The following ABTB3 variants were observed in gnomAD, a reference collection of about 807,000 sequenced individuals.
ABTB3 encodes the protein ankyrin repeat and BTB domain containing 3.
chr12:107,574,002 T>G, the ABTB3 span, among the ~76,000 whole-genome samples: 1 of 152,132 alleles, frequency 6.6e-6, no homozygotes, highest in Admixed American at 6.5e-5. Flanking sequence ...AGTGTTTATA[T>G]TCCCAGGATG....
the ABTB3 span, among the ~76,000 whole-genome samples, chr12:107,513,913 C>T: frequency 3.3e-5 from 5 of 152,218 alleles, no homozygotes; most frequent in Non-Finnish European, 7.3e-5. Context: ...AAATGGTTGT[C>T]TGTCTCCAGT....
At chr12:107,443,523 G>T in the ABTB3 span, among the ~76,000 whole-genome samples, 2,310 of 152,164 alleles carry the variant, frequency 0.015, 49 homozygotes, top group African/African-American at 0.05. Flanking sequence ...AAGGCCCTGA[G>T]GTAGGCATGT....
chr12:107,655,036 C>A, the ABTB3 span, among the ~76,000 whole-genome samples: 1 of 152,068 alleles, frequency 6.6e-6, no homozygotes, highest in African/African-American at 2.4e-5. Context: ...CATGGTCACT[C>A]AAATTGCCCC....
chr12:107,319,802 C>T, the ABTB3 span: 2 of 1,388,702 alleles, frequency 1.4e-6, no homozygotes, highest in African/African-American at 1.5e-5. Context: ...GGATAAAGAG[C>T]GGGAGGCGCC....
At chr12:107,521,702 C>A in the ABTB3 span, among the ~76,000 whole-genome samples, 3 of 129,732 alleles carry the variant, frequency 2.3e-5, no homozygotes, top group African/African-American at 8.5e-5. Context: ...CCCCAGACAT[C>A]CTCCTCCACC....
At chr12:107,320,523 T>G in the ABTB3 span, 25 of 369,984 alleles carry the variant, frequency 6.8e-5, no homozygotes, top group Non-Finnish European at 1.2e-4. Flanking sequence ...CGCAATCCAG[T>G]GCTCCCACTT....
the ABTB3 span, among the ~76,000 whole-genome samples, chr12:107,580,041 G>T: frequency 6.6e-6 from 1 of 152,132 alleles, no homozygotes; most frequent in Non-Finnish European, 1.5e-5. Context: ...AATGTCGTCC[G>T]CAGACCAGTA....
At chr12:107,563,187 T>C in the ABTB3 span, among the ~76,000 whole-genome samples, 2 of 152,260 alleles carry the variant, frequency 1.3e-5, no homozygotes, top group African/African-American at 4.8e-5. Flanking sequence ...GCTATTTTTA[T>C]CATTTTCCTT....
At chr12:107,373,624 A>G in the ABTB3 span, among the ~76,000 whole-genome samples, 23 of 152,294 alleles carry the variant, frequency 1.5e-4, no homozygotes, top group Non-Finnish European at 2.8e-4. Flanking sequence ...TTTCCAGCAT[A>G]TTCATCCCAC....
chr12:107,655,256 A>AATATATATATATATATATATAT, the ABTB3 span, among the ~76,000 whole-genome samples: 14 of 148,848 alleles, frequency 9.4e-5, no homozygotes, highest in African/African-American at 3.0e-4. Context: ...GCCTCTTTCA[A>AATATATATATATATATATATAT]ATATATATAT....
the ABTB3 span, among the ~76,000 whole-genome samples, chr12:107,563,425 C>G: frequency 6.6e-6 from 1 of 152,168 alleles, no homozygotes; most frequent in Admixed American, 6.5e-5. Context: ...ATGAAGCTGA[C>G]AGTCTAGCAG....
the ABTB3 span, among the ~76,000 whole-genome samples, chr12:107,536,925 C>A: frequency 2.8e-3 from 430 of 152,222 alleles, no homozygotes; most frequent in Middle Eastern, 0.01. Flanking sequence ...CATGTCTGCA[C>A]CCTCATGTTT....
chr12:107,319,815 G>T, the ABTB3 span: 1 of 1,302,292 alleles, frequency 7.7e-7, no homozygotes. Flanking sequence ...GAGGCGCCCG[G>T]GGGAGGAGCG....
the ABTB3 span, among the ~76,000 whole-genome samples, chr12:107,643,803 G>C: frequency 0.2 from 26,891 of 133,292 alleles, 2,731 homozygotes; most frequent in Non-Finnish European, 0.24. Flanking sequence ...TGGCTCTGTT[G>C]TCCAGGTTGG....
chr12:107,366,549 G>C, the ABTB3 span, among the ~76,000 whole-genome samples: 1 of 152,158 alleles, frequency 6.6e-6, no homozygotes, highest in South Asian at 2.1e-4. Context: ...GCTAGGAGGA[G>C]GGCAGCATGT....
At chr12:107,392,674 T>A in the ABTB3 span, among the ~76,000 whole-genome samples, 2 of 152,184 alleles carry the variant, frequency 1.3e-5, no homozygotes, top group African/African-American at 4.8e-5. Context: ...TAGGACTCCA[T>A]GTTTCCATAG....
the ABTB3 span, among the ~76,000 whole-genome samples, chr12:107,631,310 C>T: frequency 3.3e-5 from 5 of 152,306 alleles, 1 homozygote; most frequent in South Asian, 8.3e-4. Flanking sequence ...CATAGTAGTC[C>T]GTGGTGTATA....
chr12:107,325,282 G>T, the ABTB3 span, among the ~76,000 whole-genome samples: 2 of 152,166 alleles, frequency 1.3e-5, no homozygotes, highest in African/African-American at 4.8e-5. Flanking sequence ...TTGCTCAGCC[G>T]TTTTCCTGTC....
chr12:107,440,087 C>A, the ABTB3 span, among the ~76,000 whole-genome samples: 9 of 152,204 alleles, frequency 5.9e-5, no homozygotes, highest in Non-Finnish European at 1.2e-4. Flanking sequence ...AACACCTCCC[C>A]CCGCCGCTCC....
Sources: allele counts gnomAD v4.1 joint callset (sites outside exome capture counted in the v4.1 genomes callset), GRCh38; gene constraint gnomAD v4.1.1; transcripts MANE v1.5; gene names NCBI Gene and HGNC (gene_info 2026-07-23, HGNC 2026-07-21).